Variants in PLXDC2 observed in about 807,000 individuals in gnomAD.
PLXDC2 encodes plexin domain-containing protein 2.
Under a neutral mutation model 68.9 loss-of-function variants are expected in PLXDC2, and 40 were observed. The ratio of observed to expected loss-of-function variants is 0.58; its 90% CI spans 0.45 to 0.76. The LOEUF (loss-of-function observed/expected upper bound fraction) is 0.76, where lower values mean the gene tolerates loss of function less well. Among genes scored for constraint, PLXDC2 ranks in the 30% least tolerant of loss-of-function variants. The pLI, the probability that PLXDC2 is intolerant of heterozygous loss-of-function variation, is 0.00. For synonymous variants in PLXDC2, 243 were observed against 234.2 expected, an observed-to-expected ratio of 1.04 and a Z score of -0.34; for missense variants, 644 against 661.9, an observed-to-expected ratio of 0.97 and a Z score of 0.30.
At chr10:20,176,126 T>C (rs751926677) in intron 7 of PLXDC2, among the ~76,000 whole-genome samples, 14 of 152,148 alleles carry the variant, frequency 9.2e-5, no homozygotes, top group Non-Finnish European at 1.6e-4. Flanking sequence ...CATTGATGGA[T>C]TTGCTAATGA....
At chr10:20,208,821 A>G (rs987929375) in intron 9 of PLXDC2, among the ~76,000 whole-genome samples, 1 of 152,114 alleles carries the variant, frequency 6.6e-6, no homozygotes, top group African/African-American at 2.4e-5. Context: ...AAAGGGACAG[A>G]GTACAAAAGG....
At chr10:19,829,006 C>T (rs750313855) in intron 1 of PLXDC2, among the ~76,000 whole-genome samples, 3 of 152,060 alleles carry the variant, frequency 2.0e-5, no homozygotes, top group Non-Finnish European at 4.4e-5. Flanking sequence ...TGTGCCTTTC[C>T]GTTGCTCTCA....
intron 4 of PLXDC2, among the ~76,000 whole-genome samples, chr10:20,092,026 A>G (rs1242412607): frequency 1.3e-4 from 20 of 151,742 alleles, no homozygotes; most frequent in Admixed American, 1.3e-3. Context: ...TCTAATCCCA[A>G]CCTTAGACAA....
intron 1 of PLXDC2, among the ~76,000 whole-genome samples, chr10:19,953,135 T>A (rs1427700591): frequency 6.6e-6 from 1 of 152,188 alleles, no homozygotes; most frequent in Non-Finnish European, 1.5e-5. Context: ...AAACTTGGAA[T>A]TCTATAGTTT....
In PLXDC2 at chr10:19,897,665, G is replaced by T. The variant is rs148227672; in HGVS notation, c.112+80474G>T. Among the ~76,000 whole-genome samples, 637 of 152,156 alleles carry T rather than the reference G, an allele frequency of 4.2e-3. 5 individuals carry two copies. Among genetic ancestry groups the T allele is most frequent in the African/African-American group, 0.015 (610 of 41,530 alleles). On this transcript the variant is annotated intron_variant, in intron 1 of 13. Transcript: ENST00000377252. The stretch of plus-strand genomic sequence containing the variant: ...TTTTTAAGACTATATATAAAATATG[G>T]TTTTTTTAAATGAACACTTACACAT...
chr10:19,897,434 G>A lies in PLXDC2; in HGVS notation c.112+80243G>A, dbSNP rs573483723. Among the ~76,000 whole-genome samples the A allele has an allele frequency of 3.3e-5, 5 of 151,872 alleles. No homozygotes were observed. In the South Asian group the frequency reaches 1.0e-3, roughly 32 times the overall value. ...TTGTATTGTTTTTTTTAGTAGAGAG[G>A]GGGTTTCTCCACGTTAGTCAGGCTG... On this transcript the variant is annotated intron_variant, in intron 1 of 13. Transcript: ENST00000377252.
chr10:19,834,348 A>T (rs1836749661), intron 1 of PLXDC2, among the ~76,000 whole-genome samples: 1 of 149,322 alleles, frequency 6.7e-6, no homozygotes, highest in Non-Finnish European at 1.5e-5. Context: ...AGAGAGAGAG[A>T]GAGAGAGTGT....
At chr10:20,210,231 C>T (rs1260420341) in intron 9 of PLXDC2, among the ~76,000 whole-genome samples, 1 of 151,854 alleles carries the variant, frequency 6.6e-6, no homozygotes, top group Admixed American at 6.6e-5. Flanking sequence ...AAATTAGACA[C>T]CATGGAAATT....
At chr10:20,032,022 T>A (rs1370031282) in intron 2 of PLXDC2, among the ~76,000 whole-genome samples, 1 of 152,070 alleles carries the variant, frequency 6.6e-6, no homozygotes, top group Non-Finnish European at 1.5e-5. Flanking sequence ...GGTTTCACCA[T>A]GTTGGCCAGG....
intron 9 of PLXDC2, among the ~76,000 whole-genome samples, chr10:20,205,590 C>A (rs1326629128): frequency 6.6e-6 from 1 of 152,050 alleles, no homozygotes; most frequent in Non-Finnish European, 1.5e-5. Context: ...ATATAATTAA[C>A]TCCTAAACAT....
chr10:20,054,857 A>T (rs893462156), intron 3 of PLXDC2, among the ~76,000 whole-genome samples: 19 of 152,066 alleles, frequency 1.2e-4, no homozygotes, highest in Non-Finnish European at 2.1e-4. Flanking sequence ...GTATAATAAT[A>T]AAAAAAACCA....
At chr10:20,173,699 T>G (rs1226309914) in intron 7 of PLXDC2, among the ~76,000 whole-genome samples, 1 of 152,236 alleles carries the variant, frequency 6.6e-6, no homozygotes, top group Non-Finnish European at 1.5e-5. Flanking sequence ...TCGCTAAGAC[T>G]GAACGTTTAA....
chr10:20,073,483 A>C (rs909414016), intron 4 of PLXDC2, among the ~76,000 whole-genome samples: 6 of 152,232 alleles, frequency 3.9e-5, no homozygotes, highest in Non-Finnish European at 8.8e-5. Flanking sequence ...TTTCTAGTTT[A>C]AAATGTGAAT....
At chr10:20,001,627 A>C in intron 1 of PLXDC2, 148 bp from the exon 2 acceptor site, 1 of 686,638 alleles carries the variant, frequency 1.5e-6, no homozygotes, top group Non-Finnish European at 2.5e-6. Context: ...TACCAGCTCA[A>C]GATATTGCAA....
At chr10:19,904,453 G>A (rs1469911468) in intron 1 of PLXDC2, among the ~76,000 whole-genome samples, 1 of 152,034 alleles carries the variant, frequency 6.6e-6, no homozygotes, top group African/African-American at 2.4e-5. Flanking sequence ...AGTCCCAAAA[G>A]CTGGTCTCAC....
At chr10:20,011,911 A>G (rs1415177971) in intron 2 of PLXDC2, among the ~76,000 whole-genome samples, 2 of 152,234 alleles carry the variant, frequency 1.3e-5, no homozygotes, top group Non-Finnish European at 2.9e-5. Context: ...ATTTTATCAT[A>G]CAAATTAATG....
At chr10:20,110,811 A>G (rs1833549984) in intron 4 of PLXDC2, among the ~76,000 whole-genome samples, 2 of 152,084 alleles carry the variant, frequency 1.3e-5, no homozygotes, top group Admixed American at 6.6e-5. Flanking sequence ...TGTTACAATT[A>G]TCTTTGTTTC....
intron 1 of PLXDC2, among the ~76,000 whole-genome samples, chr10:19,822,234 TATATA>T (rs1836483007): frequency 6.7e-6 from 1 of 149,070 alleles, no homozygotes; most frequent in Admixed American, 6.7e-5. Flanking sequence ...ACATATGCAA[TATATA>T]ATATAAATGC....
intron 1 of PLXDC2, among the ~76,000 whole-genome samples, chr10:19,833,051 G>A (rs1333832861): frequency 6.6e-6 from 1 of 152,124 alleles, no homozygotes; most frequent in Non-Finnish European, 1.5e-5. Context: ...ATGTTTGGTG[G>A]GTTTCAGTAG....
Sources: allele counts gnomAD v4.1 joint callset (sites outside exome capture counted in the v4.1 genomes callset), GRCh38; gene constraint gnomAD v4.1.1; transcripts MANE v1.5; gene names NCBI Gene and HGNC (gene_info 2026-07-23, HGNC 2026-07-21).